The following PCDH7 variants were observed in gnomAD, a reference collection of about 807,000 sequenced individuals.
The protein encoded by PCDH7 is protocadherin-7.
Under a neutral mutation model 58.9 loss-of-function variants are expected in PCDH7, and 17 were observed. That is an observed-to-expected ratio of 0.29 (90% CI 0.20 to 0.43). PCDH7 has a LOEUF of 0.43. Ranked by LOEUF, PCDH7 falls within the 20% of genes least tolerant of loss-of-function variation. The pLI is 1.00. For missense variants in PCDH7, 1,274 were observed against 1,441.0 expected (o/e 0.88, Z 1.88); for synonymous variants, 664 against 616.4 (o/e 1.08, Z -1.14).
At chr4:31,025,334 T>G (rs187692860) in intron 3 of PCDH7, among the ~76,000 whole-genome samples, 1 of 152,340 alleles carries the variant, frequency 6.6e-6, no homozygotes, top group East Asian at 1.9e-4. Flanking sequence ...TGGCTGTTAG[T>G]ATACAAACAG....
chr4:31,086,398 A>G (rs904201855), intron 3 of PCDH7, among the ~76,000 whole-genome samples: 4 of 152,222 alleles, frequency 2.6e-5, no homozygotes, highest in Non-Finnish European at 4.4e-5. Flanking sequence ...GTGTGTGCAC[A>G]TCTGCACACA....
intron 3 of PCDH7, among the ~76,000 whole-genome samples, chr4:31,064,827 C>A (rs1273801463): frequency 6.6e-6 from 1 of 151,904 alleles, no homozygotes; most frequent in Non-Finnish European, 1.5e-5. Context: ...TTTATCTTAT[C>A]TTTTTGGGGA....
chr4:30,988,095 C>T (rs370289958), intron 3 of PCDH7, among the ~76,000 whole-genome samples: 1 of 152,124 alleles, frequency 6.6e-6, no homozygotes. Context: ...TAAAAATACT[C>T]ATTTGTAAAA....
intron 1 of PCDH7, among the ~76,000 whole-genome samples, chr4:30,830,336 A>G (rs1318515037): frequency 6.6e-6 from 1 of 152,130 alleles, no homozygotes; most frequent in African/African-American, 2.4e-5. Context: ...TACATCTGAT[A>G]GTGTAATTAG....
chr4:30,883,694 T>G (rs2109373715), intron 1 of PCDH7, among the ~76,000 whole-genome samples: 1 of 152,288 alleles, frequency 6.6e-6, no homozygotes, highest in South Asian at 2.1e-4. Context: ...TAGGTTAAAA[T>G]CCACTAAAAT....
At chr4:30,734,815 C>T (rs1716020530), downstream of PCDH7, among the ~76,000 whole-genome samples, 1 of 152,056 alleles carries the variant, frequency 6.6e-6, no homozygotes, top group Non-Finnish European at 1.5e-5. Context: ...CAGATCCATC[C>T]ACATTGGATT....
chr4:31,043,307 G>A (rs998156107), intron 3 of PCDH7, among the ~76,000 whole-genome samples: 3 of 152,036 alleles, frequency 2.0e-5, no homozygotes, highest in African/African-American at 7.2e-5. Flanking sequence ...CCCAGAAATG[G>A]GATTGCTGGG....
intron 3 of PCDH7, among the ~76,000 whole-genome samples, chr4:30,989,799 A>G (rs1751302919): frequency 6.6e-6 from 1 of 152,150 alleles, no homozygotes; most frequent in Non-Finnish European, 1.5e-5. Context: ...CTTCCCCACC[A>G]AAAAATGTAT....
intron 1 of PCDH7, among the ~76,000 whole-genome samples, chr4:30,802,906 C>CAGG (rs1179882333): frequency 2.0e-5 from 3 of 151,904 alleles, no homozygotes; most frequent in Admixed American, 6.6e-5. Context: ...CTTGGCAGCC[C>CAGG]AGGAGGAGGA....
At chr4:31,066,105 G>T (rs1250967573) in intron 3 of PCDH7, among the ~76,000 whole-genome samples, 1 of 151,816 alleles carries the variant, frequency 6.6e-6, no homozygotes, top group Non-Finnish European at 1.5e-5. Context: ...CATTTACTTA[G>T]TAAACATTCA....
intron 1 of PCDH7, among the ~76,000 whole-genome samples, chr4:30,822,360 C>T (rs1001216978): frequency 6.6e-6 from 1 of 152,146 alleles, no homozygotes; most frequent in African/African-American, 2.4e-5. Flanking sequence ...GTTTGGAATG[C>T]CACACGCCAC....
intron 3 of PCDH7, among the ~76,000 whole-genome samples, chr4:30,977,799 G>T (rs143472340): frequency 4.6e-5 from 7 of 152,042 alleles, no homozygotes. Context: ...AGTCCTCTGA[G>T]GATCTCTGGA....
In PCDH7 at chr4:30,790,363, C is replaced by T. The variant is rs558180275; in HGVS notation, c.70+65767C>T. 3.8e-4 allele frequency among the ~76,000 whole-genome samples: 58 copies of T among 152,238 alleles called. No individual in the cohort carries two copies. In the South Asian group the frequency reaches 0.012, roughly 31 times the overall value. On this transcript the variant is annotated intron_variant, in intron 1 of 3. Transcript: ENST00000509759. The stretch of plus-strand genomic sequence containing the variant: ...AGAGTTTCAGTAACTAGTAAAGCTA[C>T]AGAACTAGCAGGAAGTGGAACTGGA...
chr4:31,144,980 T>G (rs1477905769), downstream of PCDH7: 1 of 152,102 alleles, frequency 6.6e-6, no homozygotes, highest in East Asian at 1.9e-4. Context: ...AAGATACTTA[T>G]GAAATGTATA....
chr4:30,783,905 C>T (rs1315977878), intron 1 of PCDH7, among the ~76,000 whole-genome samples: 1 of 151,934 alleles, frequency 6.6e-6, no homozygotes, highest in Non-Finnish European at 1.5e-5. Context: ...AGAAGCTGCT[C>T]AAGGAATGAT....
At chr4:30,916,390 A>AT (rs1188195560) in intron 1 of PCDH7, among the ~76,000 whole-genome samples, 2 of 151,928 alleles carry the variant, frequency 1.3e-5, no homozygotes, top group Non-Finnish European at 2.9e-5. Flanking sequence ...AAATTCTTTG[A>AT]TTTTCACTCT....
chr4:30,723,989 G>T lies in PCDH7; in HGVS notation c.2567G>T (p.Ser856Ile). The T allele has an allele frequency of 1.9e-6, 3 of 1,614,180 alleles. No individual in the cohort carries two copies. Among genetic ancestry groups the T allele is most frequent in the Non-Finnish European group, 2.5e-6 (3 of 1,180,034 alleles). Residue 856 changes from serine to isoleucine, a missense_variant, in exon 1 of 2, where the codon AGT becomes ATT. Ser to Ile is a moderately radical substitution (Grantham distance 142, BLOSUM62 -2). Coordinates refer to ENST00000361762, the Ensembl canonical transcript of PCDH7. This position sits in a 1 kb window ranked among gnomAD's most constrained non-coding sequence, Gnocchi z 4.6. ...GCGATTGACTCCCAGATAGCTAGAA[G>T]TTTGCACATCCCACTCACCCAGGAT...
intron 1 of PCDH7, among the ~76,000 whole-genome samples, chr4:30,865,839 G>A (rs978943509): frequency 6.6e-6 from 1 of 152,034 alleles, no homozygotes; most frequent in East Asian, 1.9e-4. Flanking sequence ...TGAAAACCAT[G>A]TGTTTTTTGA....
intron 3 of PCDH7, among the ~76,000 whole-genome samples, chr4:31,068,582 G>A: frequency 6.6e-6 from 1 of 151,944 alleles, no homozygotes; most frequent in Non-Finnish European, 1.5e-5. Flanking sequence ...AAATTTTTCA[G>A]TAGGATCCAA....
Sources: gnomAD v4.1 joint callset for allele counts (sites outside exome capture counted in the v4.1 genomes callset) on GRCh38, gnomAD v4.1.1 for gene constraint, Gnocchi (gnomAD v3.1) non-coding constraint, MANE v1.5 for transcripts, NCBI Gene and HGNC (gene_info 2026-07-23, HGNC 2026-07-21) for gene names.